Variants in LARGE1 observed in about 807,000 individuals in gnomAD.
The protein encoded by LARGE1 is LARGE xylosyl- and glucuronyltransferase 1.
Under a neutral mutation model 87.6 loss-of-function variants are expected in LARGE1, and 43 were observed. The observed-to-expected ratio is 0.49, with a 90% CI of 0.38 to 0.63. The LOEUF (loss-of-function observed/expected upper bound fraction) is 0.63. LARGE1 is among the 30% of genes least tolerant of loss of function. The probability of loss-of-function intolerance (pLI) is 0.00; values close to 1 mark genes in which losing one functional copy is unlikely to be tolerated. For missense variants in LARGE1, 802 were observed against 1,000.2 expected (o/e 0.80, Z 2.67); for synonymous variants, 434 against 394.6 (o/e 1.10, Z -1.18).
chr22:33,423,272 C>G (rs930996940), intron 7 of LARGE1, among the ~76,000 whole-genome samples: 1 of 152,108 alleles, frequency 6.6e-6, no homozygotes, highest in African/African-American at 2.4e-5. Context: ...AGGTCATTTA[C>G]TATAGCCAAA....
At chr22:33,826,247 A>G (rs1282625342) in intron 1 of LARGE1, among the ~76,000 whole-genome samples, 1 of 152,086 alleles carries the variant, frequency 6.6e-6, no homozygotes, top group Non-Finnish European at 1.5e-5. Flanking sequence ...AGCTTCTGAT[A>G]AGTGCCAGCA....
rs370668049 is a variant in LARGE1, at chr22:33,316,117, G to T, written c.1419C>A (p.Asp473Glu). 1.2e-6 allele frequency: 2 copies of T among 1,614,038 alleles called. No individual in the cohort carries two copies. The highest frequency in any genetic ancestry group is 1.7e-6 in the Non-Finnish European group (2 of 1,179,944). The change falls in exon 11 of 15, where the codon GAC (aspartate) becomes GAA (glutamate). Residue 473 changes from aspartate to glutamate, a missense_variant. By Grantham distance (45) the Asp-to-Glu change is conservative. Coordinates refer to ENST00000397394, the MANE Select transcript of LARGE1 (RefSeq NM_133642.5). ...TGGACAGCTGAGCGACCAGGGTGAC[G>T]TCCGTGCTGTCTGCTGCAGGCTCAT... is the stretch of plus-strand genomic sequence containing the variant. Reference protein sequence around the residue: ...YEYEPAADSTDVTLVAQLSMD... With the variant: ...YEYEPAADSTEVTLVAQLSMD...
intron 11 of LARGE1, among the ~76,000 whole-genome samples, chr22:33,205,966 T>TTTTG (rs1568973209): frequency 1.4e-5 from 2 of 148,080 alleles, no homozygotes; most frequent in African/African-American, 5.0e-5. Flanking sequence ...TTTTTTTTTT[T>TTTTG]TTTTGTGAGA....
At chr22:33,464,170 G>T (rs572115015) in intron 6 of LARGE1, among the ~76,000 whole-genome samples, 1 of 151,980 alleles carries the variant, frequency 6.6e-6, no homozygotes, top group Admixed American at 6.6e-5. Context: ...TGACAAATAA[G>T]CATGGAAAAG....
At chr22:33,874,208 A>C (rs2064393831) in intron 1 of LARGE1, among the ~76,000 whole-genome samples, 1 of 152,138 alleles carries the variant, frequency 6.6e-6, no homozygotes, top group South Asian at 2.1e-4. Flanking sequence ...AGGACCTAAG[A>C]CATGCTGAGG....
At chr22:33,214,330 A>G (rs969902903) in intron 11 of LARGE1, among the ~76,000 whole-genome samples, 11 of 152,114 alleles carry the variant, frequency 7.2e-5, no homozygotes, top group African/African-American at 2.4e-4. Flanking sequence ...TAAGGACACA[A>G]GTAATACTGG....
intron 6 of LARGE1, among the ~76,000 whole-genome samples, chr22:33,557,524 AGT>A (rs1443383018): frequency 6.6e-6 from 1 of 152,210 alleles, no homozygotes; most frequent in African/African-American, 2.4e-5. Context: ...GAAAACTGGT[AGT>A]GAGGAGGGAA....
intron 1 of LARGE1, among the ~76,000 whole-genome samples, chr22:33,901,579 G>T (rs572364220): frequency 3.9e-5 from 6 of 152,358 alleles, no homozygotes; most frequent in Non-Finnish European, 8.8e-5. Flanking sequence ...GCTGAGGTGG[G>T]AGAATCGCTT....
intron 6 of LARGE1, among the ~76,000 whole-genome samples, chr22:33,489,110 A>C (rs1404071546): frequency 6.6e-6 from 1 of 152,230 alleles, no homozygotes; most frequent in Non-Finnish European, 1.5e-5. Flanking sequence ...CTGAGGCTAC[A>C]GAGGTGAAGA....
chr22:33,131,660 A>G, the LARGE1 span, among the ~76,000 whole-genome samples: 3,139 of 152,326 alleles, frequency 0.021, 46 homozygotes, highest in Middle Eastern at 0.096. Context: ...AGACGTAATC[A>G]CTATCACGAG....
At chr22:33,679,025 G>A (rs1406798369) in intron 2 of LARGE1, among the ~76,000 whole-genome samples, 1 of 152,136 alleles carries the variant, frequency 6.6e-6, no homozygotes, top group Non-Finnish European at 1.5e-5. Context: ...AGCAGGTAGC[G>A]GTGGGGACCC....
At chr22:33,427,106 G>C (rs958090988) in intron 7 of LARGE1, among the ~76,000 whole-genome samples, 1 of 152,196 alleles carries the variant, frequency 6.6e-6, no homozygotes, top group Non-Finnish European at 1.5e-5. Context: ...TAATGAGCCT[G>C]TCAAAATCCT....
At chr22:33,709,145 G>A (rs992930229) in intron 2 of LARGE1, among the ~76,000 whole-genome samples, 1 of 152,144 alleles carries the variant, frequency 6.6e-6, no homozygotes, top group Admixed American at 6.5e-5. Flanking sequence ...GACATGGAGG[G>A]GCGCAATTCA....
chr22:33,765,041 C>T (rs424576), intron 1 of LARGE1, among the ~76,000 whole-genome samples: 137,870 of 152,282 alleles, frequency 0.91, 62,521 homozygotes, highest in East Asian at 0.97. Flanking sequence ...AGGCAACTAG[C>T]AGTAAGTAGC....
chr22:33,748,855 T>C (rs543771464), intron 2 of LARGE1, among the ~76,000 whole-genome samples: 10 of 152,336 alleles, frequency 6.6e-5, no homozygotes, highest in Middle Eastern at 6.8e-3. Context: ...AGTCTCTCCC[T>C]GCCCCTTTCT....
intron 9 of LARGE1, among the ~76,000 whole-genome samples, chr22:33,377,665 T>C (rs979837622): frequency 3.3e-5 from 5 of 152,230 alleles, no homozygotes; most frequent in Non-Finnish European, 7.3e-5. Flanking sequence ...ACTTAAGATA[T>C]GCCTCACTTC....
At chr22:33,820,074 C>T (rs191077510) in intron 1 of LARGE1, among the ~76,000 whole-genome samples, 1 of 152,156 alleles carries the variant, frequency 6.6e-6, no homozygotes, top group Non-Finnish European at 1.5e-5. Context: ...ACTCACCCCA[C>T]ATAGTTACTC....
chr22:33,566,222 G>A (rs2078020981), intron 5 of LARGE1, among the ~76,000 whole-genome samples: 1 of 152,076 alleles, frequency 6.6e-6, no homozygotes, highest in African/African-American at 2.4e-5. Flanking sequence ...GCCCCAAAAT[G>A]GAACAATTAA....
chr22:33,783,585 G>A lies in LARGE1; in HGVS notation c.-82-22027C>T, dbSNP rs143369035. ...ATCTCAAAAAACACAAATTTGTATGGAGAGTTATCATGAAAGGAAGAAGAG... is the reference window on the plus strand; with the variant it reads ...ATCTCAAAAAACACAAATTTGTATGAAGAGTTATCATGAAAGGAAGAAGAG... On this transcript the variant is annotated intron_variant, in intron 1 of 14. Coordinates refer to ENST00000397394, the MANE Select transcript of LARGE1 (RefSeq NM_133642.5). Among the ~76,000 whole-genome samples the A allele has an allele frequency of 2.4e-3, 359 of 152,278 alleles. 4 individuals carry two copies. The highest frequency in any genetic ancestry group is 8.1e-3 in the African/African-American group (337 of 41,560).
Sources: allele counts gnomAD v4.1 joint callset (sites outside exome capture counted in the v4.1 genomes callset), GRCh38; gene constraint gnomAD v4.1.1; transcripts MANE v1.5; gene names NCBI Gene and HGNC (gene_info 2026-07-23, HGNC 2026-07-21).